The following DNAJA3 variants were observed in gnomAD, a reference collection of about 807,000 sequenced individuals.
DNAJA3 encodes DnaJ heat shock protein family (Hsp40) member A3.
DNAJA3 carries 29 observed loss-of-function variants against 54.9 expected under a neutral mutation model. The observed-to-expected ratio is 0.53, with a 90% CI of 0.39 to 0.72. The LOEUF (loss-of-function observed/expected upper bound fraction) is 0.72, where lower values mean the gene tolerates loss of function less well. Ranked by LOEUF, DNAJA3 falls within the 30% of genes least tolerant of loss-of-function variation. DNAJA3 has a pLI of 0.00. For synonymous variants in DNAJA3, 302 were observed against 251.4 expected (o/e 1.20, Z -1.90); for missense variants, 708 against 639.4 (o/e 1.11, Z -1.16).
chr16:4,441,267 A>T lies in DNAJA3; in HGVS notation c.430-108A>T, dbSNP rs971787849. 2.0e-5 allele frequency: 21 copies of T among 1,033,802 alleles called. 1 individual carries two copies. The African/African-American group carries it at 3.0e-4, about 15-fold the overall frequency. The allele number at this position is 1,033,802 out of a possible 1,614,324, so 64.0% of individuals were successfully genotyped here. ...AACCTCATAGGATGTGTTTGCACAC[A>T]GGGCCACTTAATAAATGTTATGGCT... On this transcript the variant is annotated intron_variant, in intron 3 of 11. Transcript: ENST00000262375.
intron 9 of DNAJA3, among the ~76,000 whole-genome samples, chr16:4,449,120 C>A (rs551724786): frequency 1.3e-5 from 2 of 152,158 alleles, no homozygotes. Context: ...CCTCAGCCTC[C>A]CGAGTAGCTG....
At chr16:4,427,454 C>G (rs766943065) in intron 1 of DNAJA3, 1 of 152,162 alleles carries the variant, frequency 6.6e-6, no homozygotes, top group Admixed American at 6.6e-5. Flanking sequence ...GTGGTTACTT[C>G]ATGCAATGTA....
intron 1 of DNAJA3, among the ~76,000 whole-genome samples, chr16:4,429,013 C>G (rs554797931): frequency 1.3e-5 from 2 of 150,586 alleles, no homozygotes; most frequent in African/African-American, 4.9e-5. Flanking sequence ...CTCAGCCTCC[C>G]GAGTAGCTGG....
intron 2 of DNAJA3, 105 bp downstream of exon 2, chr16:4,434,622 A>C: frequency 1.4e-5 from 18 of 1,316,656 alleles, no homozygotes; most frequent in East Asian, 2.4e-5. Flanking sequence ...AATAGGTCTC[A>C]TGAGCTGATA....
At chr16:4,450,544 C>T (rs763168457) in intron 10 of DNAJA3, 47 bp downstream of exon 10, 3 of 1,421,756 alleles carry the variant, frequency 2.1e-6, no homozygotes, top group Non-Finnish European at 1.9e-6. Context: ...GCCTCAGAGC[C>T]CCCCAGGGTA....
At chr16:4,436,760 T>A (rs376934481) in intron 2 of DNAJA3, among the ~76,000 whole-genome samples, 2 of 152,214 alleles carry the variant, frequency 1.3e-5, no homozygotes, top group South Asian at 2.1e-4. Context: ...GTTCTCAAAC[T>A]CCTGACCTCT....
In DNAJA3 at chr16:4,455,628, A is replaced by G; in HGVS notation, c.*96A>G. 1.3e-6 allele frequency: 2 copies of G among 1,543,240 alleles called. No individual in the cohort carries two copies. Among genetic ancestry groups the G allele is most frequent in the South Asian group, 2.4e-5 (2 of 83,896 alleles). On this transcript the variant is annotated 3_prime_UTR_variant, in exon 12 of 12. Coordinates refer to ENST00000262375, the MANE Select transcript of DNAJA3 (RefSeq NM_005147.6). ...ACCTGGGAGACGGGAGGATTCCAGAACAGCAGCACTGAGCTCCCACCCGCA... is the reference window on the plus strand; with the variant it reads ...ACCTGGGAGACGGGAGGATTCCAGAGCAGCAGCACTGAGCTCCCACCCGCA...
At chr16:4,447,091 T>C in intron 8 of DNAJA3, 77 bp downstream of exon 8, 1 of 1,541,346 alleles carries the variant, frequency 6.5e-7, no homozygotes, top group Non-Finnish European at 8.8e-7. Flanking sequence ...AACTGACCAG[T>C]GGCCTGGAAC....
intron 2 of DNAJA3, 152 bp downstream of exon 2, chr16:4,434,669 C>A: frequency 1.0e-6 from 1 of 987,864 alleles, no homozygotes; most frequent in Non-Finnish European, 1.5e-6. Flanking sequence ...CTTTGCTAGA[C>A]TGTTTTTCGA....
chr16:4,450,597 C>A, intron 10 of DNAJA3, 100 bp downstream of exon 10: 1 of 878,408 alleles, frequency 1.1e-6, no homozygotes, highest in African/African-American at 1.7e-5. Context: ...ACTTCGGGTT[C>A]TTCATGAAGC....
intron 1 of DNAJA3, chr16:4,427,070 A>T (rs1445611179): frequency 6.6e-6 from 1 of 152,184 alleles, no homozygotes; most frequent in Non-Finnish European, 1.5e-5. Context: ...GGCATGCGCC[A>T]CCACGCCTGG....
chr16:4,446,830 G>T, intron 7 of DNAJA3, 56 bp from the exon 8 acceptor site: 1 of 1,600,340 alleles, frequency 6.2e-7, no homozygotes, highest in Non-Finnish European at 8.5e-7. Flanking sequence ...GCATGCAGCT[G>T]GTGTTTAGTC....
intron 5 of DNAJA3, 23 bp from the exon 6 acceptor site, chr16:4,442,994 A>G: frequency 6.2e-7 from 1 of 1,610,218 alleles, no homozygotes; most frequent in Admixed American, 1.7e-5. Context: ...TACTTAGGTT[A>G]CCATTTTTCT....
chr16:4,441,969 G>C (rs990831858), intron 4 of DNAJA3, among the ~76,000 whole-genome samples: 3 of 152,156 alleles, frequency 2.0e-5, no homozygotes, highest in Non-Finnish European at 2.9e-5. Context: ...TCTAAATTAT[G>C]ATTGTGGATC....
chr16:4,452,671 G>A (rs564688192), intron 10 of DNAJA3, among the ~76,000 whole-genome samples: 3 of 152,246 alleles, frequency 2.0e-5, no homozygotes, highest in South Asian at 2.1e-4. Flanking sequence ...CACTTTGGGC[G>A]GCTAATGCAG....
In DNAJA3 at chr16:4,455,828, G is replaced by A; in HGVS notation, c.*296G>A. The A allele has an allele frequency of 1.8e-6, 1 of 569,242 alleles. No individual in the cohort carries two copies. Among genetic ancestry groups the A allele is most frequent in the Non-Finnish European group, 3.1e-6 (1 of 318,350 alleles). 35.3% of individuals were successfully genotyped at this position (569,242 alleles called of 1,614,324 possible). On this transcript the variant is annotated 3_prime_UTR_variant, in exon 12 of 12. Coordinates refer to ENST00000262375, the MANE Select transcript of DNAJA3 (RefSeq NM_005147.6). ...GGCAGAGGGAGATGGTTAGACTCTTGCAGGGCTAAAACTCTAATTTGGAAT... is the reference window on the plus strand; with the variant it reads ...GGCAGAGGGAGATGGTTAGACTCTTACAGGGCTAAAACTCTAATTTGGAAT...
chr16:4,454,783 G>A (rs771861273), intron 10 of DNAJA3, 28 bp from the exon 11 acceptor site: 9 of 1,554,874 alleles, frequency 5.8e-6, no homozygotes, highest in South Asian at 3.4e-5. Flanking sequence ...GGCCCATGAC[G>A]CCAGTTCTTT....
Position 4,426,041 on chromosome 16 carries a change from T to C in DNAJA3, c.160T>C (p.Ser54Pro). 6.2e-7 allele frequency: 1 copy of C among 1,605,180 alleles called. No homozygotes were observed. The highest frequency in any genetic ancestry group is 8.5e-7 in the Non-Finnish European group (1 of 1,176,340). ...SVPAFASSLT[S>P]CGPRALLTLR... ...CCCCGCCTTTGCGTCTTCCCTGACC[T>C]CTTGCGGCCCCCGAGCGCTGCTGAC... Residue 54 changes from serine to proline, a missense_variant, in exon 1 of 12, where the codon TCT becomes CCT. By Grantham distance (74) the Ser-to-Pro change is moderately conservative. Transcript: ENST00000262375.
At position 4,448,758 on chromosome 16, in the gene DNAJA3, A is replaced by G. The variant is rs764799382; in HGVS notation, c.1151A>G (p.Gln384Arg). The change falls in exon 9 of 12, where the codon CAG becomes CGG. Residue 384 changes from glutamine (Q) to arginine (R), a missense_variant. Coordinates refer to ENST00000262375, the MANE Select transcript of DNAJA3 (RefSeq NM_005147.6). ...VTIPPGTQTD[Q>R]KIRMGGKGIP... is the part of the protein sequence containing the mutation. ...ATCCCCCCTGGGACTCAGACAGACCAGAAGATTCGGATGGGTGGGAAAGGC... is the reference window on the plus strand; with the variant it reads ...ATCCCCCCTGGGACTCAGACAGACCGGAAGATTCGGATGGGTGGGAAAGGC... 1 of 1,614,124 alleles carries G rather than the reference A, an allele frequency of 6.2e-7. No individual in the cohort carries two copies. Among genetic ancestry groups the G allele is most frequent in the Non-Finnish European group, 8.5e-7 (1 of 1,179,986 alleles).
Sources: gnomAD v4.1 joint callset for allele counts (sites outside exome capture counted in the v4.1 genomes callset) on GRCh38, gnomAD v4.1.1 for gene constraint, MANE v1.5 for transcripts, NCBI Gene and HGNC (gene_info 2026-07-23, HGNC 2026-07-21) for gene names.